The following PTPRD variants were observed in gnomAD, a reference collection of about 807,000 sequenced individuals.
PTPRD encodes the protein receptor-type tyrosine-protein phosphatase delta.
A neutral mutation model predicts 214.5 loss-of-function variants in PTPRD; 34 were observed. That is an observed-to-expected ratio of 0.16 (90% confidence interval 0.12 to 0.21). The LOEUF (loss-of-function observed/expected upper bound fraction) is 0.21, where lower values mean the gene tolerates loss of function less well. Among genes scored for constraint, PTPRD ranks in the 10% least tolerant of loss-of-function variants. PTPRD has a pLI of 1.00. For missense variants in PTPRD, 2,545 were observed against 2,398.7 expected, an observed-to-expected ratio of 1.06 and a Z score of -1.27; for synonymous variants, 1,128 against 845.7, an observed-to-expected ratio of 1.33 and a Z score of -5.79.
chr9:10,465,252 A>C (rs113504847), intron 2 of PTPRD, among the ~76,000 whole-genome samples: 1 of 152,336 alleles, frequency 6.6e-6, no homozygotes, highest in South Asian at 2.1e-4. Flanking sequence ...TAACAACAGC[A>C]TATGTACATG....
chr9:10,455,167 A>G (rs1239800224), intron 2 of PTPRD, among the ~76,000 whole-genome samples: 3 of 151,682 alleles, frequency 2.0e-5, no homozygotes, highest in Non-Finnish European at 3.0e-5. Context: ...CTGATGATGT[A>G]ACTCTTTTTT....
intron 9 of PTPRD, among the ~76,000 whole-genome samples, chr9:9,314,144 T>C (rs898659805): frequency 6.6e-6 from 1 of 152,116 alleles, no homozygotes; most frequent in African/African-American, 2.4e-5. Context: ...GCATGTGCAT[T>C]ATTAAGATAG....
intron 3 of PTPRD, among the ~76,000 whole-genome samples, chr9:10,166,430 T>G (rs2099159824): frequency 6.6e-6 from 1 of 151,960 alleles, no homozygotes; most frequent in African/African-American, 2.4e-5. Flanking sequence ...AAAAAGAAGC[T>G]TTGGTGTCTG....
intron 35 of PTPRD, among the ~76,000 whole-genome samples, chr9:8,406,169 T>TTGCTCTTCCA (rs1390182254): frequency 1.3e-5 from 2 of 152,254 alleles, no homozygotes; most frequent in East Asian, 3.9e-4. Context: ...ACTTTCTAGT[T>TTGCTCTTCCA]TGCTCTTCCA....
At chr9:8,703,427 C>T (rs951122950) in intron 12 of PTPRD, among the ~76,000 whole-genome samples, 1 of 152,204 alleles carries the variant, frequency 6.6e-6, no homozygotes, top group African/African-American at 2.4e-5. Context: ...CATTCCACCA[C>T]CTCAGTCTCC....
At chr9:9,239,211 AC>A (rs2099969024) in intron 9 of PTPRD, among the ~76,000 whole-genome samples, 1 of 151,430 alleles carries the variant, frequency 6.6e-6, no homozygotes, top group African/African-American at 2.4e-5. Flanking sequence ...AAAAAAAAAA[AC>A]CACAAGTATT....
intron 4 of PTPRD, among the ~76,000 whole-genome samples, chr9:9,982,181 A>G (rs2095564114): frequency 6.6e-6 from 1 of 152,158 alleles, no homozygotes. Flanking sequence ...GATCTGTGCC[A>G]AGAAACCTCT....
At chr9:9,389,249 G>A (rs756390506) in intron 9 of PTPRD, among the ~76,000 whole-genome samples, 30 of 152,226 alleles carry the variant, frequency 2.0e-4, no homozygotes, top group Middle Eastern at 6.8e-3. Context: ...AGTGGCTCAC[G>A]CCTGTAATTC....
At chr9:9,091,008 G>A in intron 10 of PTPRD, 1 of 1,571,674 alleles carries the variant, frequency 6.4e-7, no homozygotes. Context: ...AGGCCATTAA[G>A]AAATTCGTCA....
rs374140735 is a variant in PTPRD at position 8,733,816 on chromosome 9, G to C, written c.28C>G (p.Leu10Val). 1.9e-6 allele frequency: 3 copies of C among 1,552,924 alleles called. No homozygotes were observed. Among genetic ancestry groups the C allele is most frequent in the Non-Finnish European group, 2.6e-6 (3 of 1,147,668 alleles). Residue 10 changes from leucine (L) to valine (V), a missense_variant, in exon 12 of 46, where the codon CTG becomes GTG. Physicochemically the swap from Leu to Val is conservative, Grantham distance 32 (BLOSUM62 1). Coordinates refer to ENST00000381196, the MANE Select transcript of PTPRD (RefSeq NM_002839.4). MVHVARLLL[L>V]LLTFFLRTDA... Reference sequence around the variant, plus strand: ...GTGCGGAGGAAGAAAGTGAGGAGCAGCAGCAGCAGCCTGGCTACGTGCACC... The same window carrying C: ...GTGCGGAGGAAGAAAGTGAGGAGCACCAGCAGCAGCCTGGCTACGTGCACC...
intron 5 of PTPRD, among the ~76,000 whole-genome samples, chr9:9,833,678 C>CGT (rs1565615588): frequency 3.5e-5 from 4 of 112,986 alleles, no homozygotes; most frequent in Admixed American, 2.0e-4. Flanking sequence ...AGGTACGCTC[C>CGT]GGAGAGGGGG....
At chr9:9,036,541 T>C (rs1334957903) in intron 10 of PTPRD, among the ~76,000 whole-genome samples, 2 of 152,162 alleles carry the variant, frequency 1.3e-5, no homozygotes, top group Non-Finnish European at 2.9e-5. Context: ...TTAATCATAA[T>C]GTGTCAATAG....
chr9:10,067,008 T>C (rs1210654255), intron 3 of PTPRD, among the ~76,000 whole-genome samples: 1 of 150,656 alleles, frequency 6.6e-6, no homozygotes, highest in Non-Finnish European at 1.5e-5. Flanking sequence ...TTCTCTAGAG[T>C]GCATTCCTCT....
At chr9:8,851,267 C>T (rs558428180) in intron 11 of PTPRD, among the ~76,000 whole-genome samples, 5 of 151,468 alleles carry the variant, frequency 3.3e-5, no homozygotes, top group Non-Finnish European at 7.4e-5. Flanking sequence ...AACATTTCTT[C>T]CCCCAAACTG....
chr9:10,424,928 T>C (rs1049157376), intron 2 of PTPRD, among the ~76,000 whole-genome samples: 3 of 152,000 alleles, frequency 2.0e-5, no homozygotes, highest in African/African-American at 7.2e-5. Context: ...CTCTCCAAAA[T>C]AGTAGGAATT....
intron 2 of PTPRD, among the ~76,000 whole-genome samples, chr9:10,467,413 C>A (rs779441648): frequency 6.6e-6 from 1 of 152,068 alleles, no homozygotes; most frequent in Admixed American, 6.6e-5. Context: ...TTATTGGCAT[C>A]CTAAGAATCT....
intron 4 of PTPRD, among the ~76,000 whole-genome samples, chr9:10,017,793 G>C (rs1300135849): frequency 6.6e-6 from 1 of 151,764 alleles, no homozygotes; most frequent in African/African-American, 2.4e-5. Context: ...TTTGATATTT[G>C]GGAGAATTAA....
At chr9:8,365,844 G>A (rs995610231) in intron 39 of PTPRD, among the ~76,000 whole-genome samples, 13 of 152,246 alleles carry the variant, frequency 8.5e-5, no homozygotes, top group Non-Finnish European at 1.8e-4. Flanking sequence ...ACCCCATTTG[G>A]CTTTCCCAGC....
chr9:8,780,607 G>T (rs888253392), intron 11 of PTPRD, among the ~76,000 whole-genome samples: 2 of 152,120 alleles, frequency 1.3e-5, no homozygotes, highest in Admixed American at 6.6e-5. Flanking sequence ...GGTACCCGAA[G>T]CAACCCCAGA....
Sources: allele counts gnomAD v4.1 joint callset (sites outside exome capture counted in the v4.1 genomes callset), GRCh38; gene constraint gnomAD v4.1.1; transcripts MANE v1.5; gene names NCBI Gene and HGNC (gene_info 2026-07-23, HGNC 2026-07-21).